The following ROBO1 variants were observed in gnomAD, a reference collection of about 807,000 sequenced individuals.
ROBO1 encodes the protein roundabout homolog 1.
A neutral mutation model predicts 195.9 loss-of-function variants in ROBO1; 149 were observed. The ratio of observed to expected loss-of-function variants is 0.76; its 90% CI spans 0.67 to 0.87. The LOEUF (loss-of-function observed/expected upper bound fraction) is 0.87, where lower values mean the gene tolerates loss of function less well. Among genes scored for constraint, ROBO1 ranks in the 40% least tolerant of loss-of-function variants. The pLI, the probability that ROBO1 is intolerant of heterozygous loss-of-function variation, is 0.00. For missense variants in ROBO1, 1,933 were observed against 2,068.3 expected, an observed-to-expected ratio of 0.93 and a Z score of 1.27; for synonymous variants, 816 against 733.2, an observed-to-expected ratio of 1.11 and a Z score of -1.82.
At chr3:79,734,852 G>A (rs554321220) in intron 1 of ROBO1, among the ~76,000 whole-genome samples, 17 of 152,216 alleles carry the variant, frequency 1.1e-4, no homozygotes, top group Admixed American at 2.6e-4. Flanking sequence ...GAATAAAAAG[G>A]GAGTTTTAAA....
intron 1 of ROBO1, among the ~76,000 whole-genome samples, chr3:79,721,523 A>C (rs1404908056): frequency 6.6e-6 from 1 of 152,188 alleles, no homozygotes; most frequent in Non-Finnish European, 1.5e-5. Flanking sequence ...AAACTTAGTA[A>C]CAAAAATCCG....
chr3:79,150,405 T>C (rs1263712956), intron 2 of ROBO1, among the ~76,000 whole-genome samples: 1 of 151,782 alleles, frequency 6.6e-6, no homozygotes, highest in Non-Finnish European at 1.5e-5. Flanking sequence ...GTGTTTTGAA[T>C]TTTGCAGGCA....
At chr3:79,493,533 G>C (rs1312288273) in intron 2 of ROBO1, among the ~76,000 whole-genome samples, 1 of 151,736 alleles carries the variant, frequency 6.6e-6, no homozygotes, top group Admixed American at 6.6e-5. Flanking sequence ...ACATTGACTA[G>C]TTTTTGTTTT....
At chr3:78,862,962 A>G (rs1271542280) in intron 4 of ROBO1, among the ~76,000 whole-genome samples, 1 of 152,232 alleles carries the variant, frequency 6.6e-6, no homozygotes, top group Non-Finnish European at 1.5e-5. Context: ...TTCTGAAGAC[A>G]TTATTTAATG....
intron 3 of ROBO1, chr3:79,018,813 C>T: frequency 9.6e-7 from 1 of 1,045,064 alleles, no homozygotes; most frequent in Non-Finnish European, 1.2e-6. Context: ...CGGCGTGCGC[C>T]CCCACAATGT....
At chr3:78,825,897 A>G (rs1225894555) in intron 4 of ROBO1, among the ~76,000 whole-genome samples, 1 of 152,142 alleles carries the variant, frequency 6.6e-6, no homozygotes, top group African/African-American at 2.4e-5. Flanking sequence ...TCCTGCTAAG[A>G]TTTTGAAAGA....
intron 4 of ROBO1, among the ~76,000 whole-genome samples, chr3:78,908,770 G>C (rs2038076215): frequency 6.6e-6 from 1 of 151,838 alleles, no homozygotes; most frequent in African/African-American, 2.4e-5. Flanking sequence ...CATGGGCTGT[G>C]TAGCACATTA....
chr3:78,602,876 T>G (rs2107249491), intron 29 of ROBO1, among the ~76,000 whole-genome samples: 1 of 152,264 alleles, frequency 6.6e-6, no homozygotes, highest in East Asian at 1.9e-4. Context: ...GTGAATGACA[T>G]CACTAATCAT....
Position 78,912,060 on chromosome 3 carries a change from T to C in ROBO1, c.499+26541A>G, listed in dbSNP as rs559097762. On this transcript the variant is annotated intron_variant, in intron 4 of 30. Transcript: ENST00000464233. ...CCAATAACTTCGTAAGTCTGGAGAA[T>C]ATGCAACACAGGGAAGAAAGTTCCC... 3.3e-5 allele frequency among the ~76,000 whole-genome samples: 5 copies of C among 152,216 alleles called. No homozygotes were observed. The South Asian group carries it at 1.0e-3, about 32-fold the overall frequency.
chr3:78,999,542 G>T (rs2077449613), intron 3 of ROBO1, among the ~76,000 whole-genome samples: 1 of 152,106 alleles, frequency 6.6e-6, no homozygotes, highest in Non-Finnish European at 1.5e-5. Context: ...GTGACTGCCA[G>T]AGGGGAAAGG....
At chr3:79,537,248 C>T (rs1232222315) in intron 2 of ROBO1, among the ~76,000 whole-genome samples, 1 of 151,874 alleles carries the variant, frequency 6.6e-6, no homozygotes, top group East Asian at 1.9e-4. Context: ...AGAAGGTTGT[C>T]TTGGGTTAGA....
chr3:78,826,471 A>G (rs544860334), intron 4 of ROBO1, among the ~76,000 whole-genome samples: 1 of 152,274 alleles, frequency 6.6e-6, no homozygotes, highest in East Asian at 1.9e-4. Context: ...TTCGGTGGAA[A>G]AACCTGATGT....
intron 2 of ROBO1, among the ~76,000 whole-genome samples, chr3:79,374,946 C>G (rs1444791985): frequency 6.6e-6 from 1 of 152,030 alleles, no homozygotes; most frequent in Admixed American, 6.6e-5. Flanking sequence ...CTTAAGTTTT[C>G]TCAATAAAAT....
In ROBO1 at chr3:79,004,209, T is replaced by A. The variant is rs114623755; in HGVS notation, c.173-65282A>T. On this transcript the variant is annotated intron_variant, in intron 3 of 30. Coordinates refer to ENST00000464233, the MANE Select transcript of ROBO1 (RefSeq NM_002941.4). Reference sequence around the variant, plus strand: ...TGTTCCAAGACTTTTGATTTTTTTTTAAACATGGGGATGTAAATTTGCGAT... The same window carrying A: ...TGTTCCAAGACTTTTGATTTTTTTTAAAACATGGGGATGTAAATTTGCGAT... Among the ~76,000 whole-genome samples the A allele has an allele frequency of 5.0e-3, 754 of 152,286 alleles. 6 individuals are homozygous for A. The highest frequency in any genetic ancestry group is 0.017 in the African/African-American group (722 of 41,560).
At chr3:78,994,148 AG>A (rs1454060342) in intron 3 of ROBO1, among the ~76,000 whole-genome samples, 2 of 152,188 alleles carry the variant, frequency 1.3e-5, no homozygotes, top group African/African-American at 4.8e-5. Context: ...TACAGAACAG[AG>A]TTTTAAAAGG....
intron 1 of ROBO1, among the ~76,000 whole-genome samples, chr3:79,643,585 T>C (rs193294886): frequency 6.6e-4 from 101 of 152,290 alleles, no homozygotes; most frequent in Non-Finnish European, 1.2e-3. Context: ...TTGTTTTTCT[T>C]TTTTTCCCTA....
At chr3:79,623,714 C>T (rs1031011290) in intron 1 of ROBO1, among the ~76,000 whole-genome samples, 2 of 152,058 alleles carry the variant, frequency 1.3e-5, no homozygotes, top group African/African-American at 4.8e-5. Context: ...ACCAAACCTA[C>T]AATTGATTGG....
At chr3:78,695,286 T>G (rs1485764163) in intron 8 of ROBO1, among the ~76,000 whole-genome samples, 1 of 151,920 alleles carries the variant, frequency 6.6e-6, no homozygotes, top group Non-Finnish European at 1.5e-5. Context: ...AAAAAGAACT[T>G]TAGGCTAATG....
At position 79,662,601 on chromosome 3, in the gene ROBO1, T is replaced by C. The variant is rs558009444; in HGVS notation, c.-50-72640A>G. On this transcript the variant is annotated intron_variant, in intron 1 of 30. Transcript: ENST00000464233. Reference sequence around the variant, plus strand: ...ATACTCAGGAGGCTTCATCCAGGTATAGCATTACAGGATCAAAAACTTGCC... The same window carrying C: ...ATACTCAGGAGGCTTCATCCAGGTACAGCATTACAGGATCAAAAACTTGCC... Among the ~76,000 whole-genome samples, 11 of 152,188 alleles carry C rather than the reference T, an allele frequency of 7.2e-5. No homozygotes were observed. The South Asian group carries it at 2.1e-3, about 29-fold the overall frequency.
Sources: allele counts gnomAD v4.1 joint callset (sites outside exome capture counted in the v4.1 genomes callset), GRCh38; gene constraint gnomAD v4.1.1; transcripts MANE v1.5; gene names NCBI Gene and HGNC (gene_info 2026-07-23, HGNC 2026-07-21).